The following CDK14 variants were observed in gnomAD, a reference collection of about 807,000 sequenced individuals.
The protein encoded by CDK14 is cyclin-dependent kinase 14.
A neutral mutation model predicts 60.7 loss-of-function variants in CDK14; 34 were observed. The ratio of observed to expected loss-of-function variants is 0.56; its 90% CI spans 0.43 to 0.75. The LOEUF is 0.75. Among genes scored for constraint, CDK14 ranks in the 30% least tolerant of loss-of-function variants. CDK14 has a pLI of 0.00. For missense variants in CDK14, 482 were observed against 564.1 expected (o/e 0.85, Z 1.47); for synonymous variants, 197 against 203.7 (o/e 0.97, Z 0.28).
At chr7:91,103,339 C>T (rs1799196369) in intron 12 of CDK14, among the ~76,000 whole-genome samples, 1 of 152,006 alleles carries the variant, frequency 6.6e-6, no homozygotes, top group Non-Finnish European at 1.5e-5. Context: ...TTTTGCACCA[C>T]CATTTTTGTC....
chr7:90,926,839 T>G (rs1793431137), intron 8 of CDK14, among the ~76,000 whole-genome samples: 1 of 152,216 alleles, frequency 6.6e-6, no homozygotes, highest in Non-Finnish European at 1.5e-5. Context: ...CATTTCTGAC[T>G]GACCTGCTAC....
rs1384294211 is a variant in CDK14, at chr7:90,788,163, G to A, written c.465-2410G>A. Among the ~76,000 whole-genome samples, 3 of 152,154 alleles carry A rather than the reference G, an allele frequency of 2.0e-5. No homozygotes were observed. In the East Asian group the frequency reaches 5.8e-4, roughly 29 times the overall value. On this transcript the variant is annotated intron_variant, in intron 4 of 14. Transcript: ENST00000380050. ...TCTGCGGGAAAAAGGTTGTGTGTGT[G>A]TTTTATGGGTGAGGGGAAAATATCT... is the stretch of plus-strand genomic sequence containing the variant.
chr7:90,627,992 C>T (rs185990989), intron 2 of CDK14, among the ~76,000 whole-genome samples: 2 of 152,300 alleles, frequency 1.3e-5, no homozygotes, highest in East Asian at 3.9e-4. Flanking sequence ...GGGTCTTGCT[C>T]TACTAGTCCA....
chr7:91,059,470 T>G (rs1386997612), intron 11 of CDK14, among the ~76,000 whole-genome samples: 2 of 152,198 alleles, frequency 1.3e-5, no homozygotes, highest in East Asian at 3.8e-4. Context: ...TTGCTCTTGC[T>G]TCTCTAGTTC....
At chr7:90,921,703 T>C (rs1027381502) in intron 8 of CDK14, among the ~76,000 whole-genome samples, 1 of 152,156 alleles carries the variant, frequency 6.6e-6, no homozygotes, top group Non-Finnish European at 1.5e-5. Context: ...TTCTATAATA[T>C]AAGCATTTAA....
chr7:90,922,221 C>A (rs1793274848), intron 8 of CDK14, among the ~76,000 whole-genome samples: 1 of 152,136 alleles, frequency 6.6e-6, no homozygotes, highest in African/African-American at 2.4e-5. Flanking sequence ...TTCAATTTTA[C>A]TGTATCTTTC....
At chr7:91,175,987 C>G (rs945512890) in intron 14 of CDK14, among the ~76,000 whole-genome samples, 32 of 152,216 alleles carry the variant, frequency 2.1e-4, no homozygotes, top group African/African-American at 7.7e-4. Flanking sequence ...ACTCTCCACC[C>G]CAAATCAACA....
rs1170843146 is a variant in CDK14, at chr7:91,053,632, T to C, written c.1105+7672T>C. Among the ~76,000 whole-genome samples, 16 of 152,260 alleles carry C rather than the reference T, an allele frequency of 1.1e-4. 2 individuals are homozygous for C. The highest frequency in any genetic ancestry group is 2.9e-5 in the Non-Finnish European group (2 of 68,056). ...ATGTTTAGTCTCAGATGTGTAGTCC[T>C]TAACACATACTATCGGAACTGCCCA... On this transcript the variant is annotated intron_variant, in intron 11 of 14. Transcript: ENST00000380050.
At chr7:90,615,166 A>G (rs1053546216) in intron 2 of CDK14, among the ~76,000 whole-genome samples, 2 of 152,356 alleles carry the variant, frequency 1.3e-5, no homozygotes, top group Middle Eastern at 3.4e-3. Flanking sequence ...CCATGTAGTT[A>G]TAATACGATA....
chr7:90,618,929 G>T (rs1364120270), intron 2 of CDK14, among the ~76,000 whole-genome samples: 2 of 152,126 alleles, frequency 1.3e-5, no homozygotes, highest in African/African-American at 4.8e-5. Context: ...TTGATGAGAA[G>T]GAGCAGGGAA....
chr7:91,037,550 T>C (rs1193673187), intron 10 of CDK14, among the ~76,000 whole-genome samples: 1 of 152,160 alleles, frequency 6.6e-6, no homozygotes, highest in African/African-American at 2.4e-5. Flanking sequence ...TGAGCCACAT[T>C]TCTCAGCCAG....
At chr7:90,660,049 A>G (rs554647982) in intron 2 of CDK14, among the ~76,000 whole-genome samples, 3 of 152,290 alleles carry the variant, frequency 2.0e-5, no homozygotes, top group African/African-American at 7.2e-5. Flanking sequence ...TGAGAAATTA[A>G]TGGCATAGAT....
intron 12 of CDK14, among the ~76,000 whole-genome samples, chr7:91,102,111 G>T (rs1029714728): frequency 4.6e-5 from 7 of 152,104 alleles, no homozygotes; most frequent in African/African-American, 1.7e-4. Context: ...TAATTCAGTG[G>T]CCAGCACCCG....
chr7:90,979,810 T>G (rs1002549249), intron 9 of CDK14: 1 of 152,166 alleles, frequency 6.6e-6, no homozygotes, highest in Non-Finnish European at 1.5e-5. Flanking sequence ...ATAAATGTAT[T>G]AGAGAAATTT....
intron 14 of CDK14, among the ~76,000 whole-genome samples, chr7:91,121,455 G>C (rs928039368): frequency 6.6e-6 from 1 of 152,142 alleles, no homozygotes; most frequent in African/African-American, 2.4e-5. Flanking sequence ...GAGTAGACAA[G>C]AATGTTTCAA....
chr7:91,009,059 T>G (rs577910778), intron 10 of CDK14, among the ~76,000 whole-genome samples: 1 of 152,176 alleles, frequency 6.6e-6, no homozygotes, highest in Non-Finnish European at 1.5e-5. Context: ...ATCTGTCTGC[T>G]GTCACTGTAG....
At chr7:90,793,702 G>A (rs1295026701) in intron 5 of CDK14, among the ~76,000 whole-genome samples, 2 of 63,586 alleles carry the variant, frequency 3.1e-5, no homozygotes, top group African/African-American at 1.3e-4. Context: ...TGAGAGCTTG[G>A]CATTTACGTG....
intron 13 of CDK14, among the ~76,000 whole-genome samples, 195 bp downstream of exon 13, chr7:91,112,876 G>GAGAGAA (rs1799510151): frequency 6.6e-6 from 1 of 151,776 alleles, no homozygotes; most frequent in South Asian, 2.1e-4. Context: ...GAGAGAGAGA[G>GAGAGAA]AACAGGGGAA....
At chr7:90,974,462 C>A (rs1258343793) in intron 9 of CDK14, among the ~76,000 whole-genome samples, 1 of 152,168 alleles carries the variant, frequency 6.6e-6, no homozygotes, top group Non-Finnish European at 1.5e-5. Flanking sequence ...TCCATGAAAT[C>A]TTCACAATTT....
Sources: allele counts gnomAD v4.1 joint callset (sites outside exome capture counted in the v4.1 genomes callset), GRCh38; gene constraint gnomAD v4.1.1; transcripts MANE v1.5; gene names NCBI Gene and HGNC (gene_info 2026-07-23, HGNC 2026-07-21).